The following AKT3 variants were observed in gnomAD, a reference collection of about 807,000 sequenced individuals.
AKT3 encodes AKT serine/threonine kinase 3.
AKT3 carries 15 observed loss-of-function variants against 65.3 expected under a neutral mutation model. The ratio of observed to expected loss-of-function variants is 0.23; its 90% CI spans 0.15 to 0.35. AKT3 has a LOEUF of 0.35. Among genes scored for constraint, AKT3 ranks in the 10% least tolerant of loss-of-function variants. AKT3 has a pLI of 1.00. For synonymous variants in AKT3, 206 were observed against 183.8 expected, an observed-to-expected ratio of 1.12 and a Z score of -0.98; for missense variants, 243 against 576.5, an observed-to-expected ratio of 0.42 and a Z score of 5.92.
At chr1:243,583,825 T>G (rs1014171219) in intron 8 of AKT3, among the ~76,000 whole-genome samples, 14 of 152,054 alleles carry the variant, frequency 9.2e-5, no homozygotes, top group African/African-American at 3.4e-4. Context: ...AAAGCAGTGT[T>G]AAGAGGAAAG....
At chr1:243,491,881 C>T (rs957587815) in intron 13 of AKT3, among the ~76,000 whole-genome samples, 1 of 152,200 alleles carries the variant, frequency 6.6e-6, no homozygotes, top group Non-Finnish European at 1.5e-5. Flanking sequence ...TCCGTTTTCT[C>T]AGCCTGGATG....
At chr1:243,642,635 G>A (rs1281578179) in intron 5 of AKT3, among the ~76,000 whole-genome samples, 1 of 151,912 alleles carries the variant, frequency 6.6e-6, no homozygotes, top group African/African-American at 2.4e-5. Context: ...AAAAATATAG[G>A]AGTATGAATA....
At chr1:243,643,963 C>T (rs1447867782) in intron 5 of AKT3, among the ~76,000 whole-genome samples, 1 of 152,128 alleles carries the variant, frequency 6.6e-6, no homozygotes, top group East Asian at 1.9e-4. Context: ...CCACTTGAGG[C>T]TAAGTCATTA....
intron 9 of AKT3, among the ~76,000 whole-genome samples, chr1:243,567,806 GATA>G (rs929245413): frequency 6.6e-6 from 1 of 152,054 alleles, no homozygotes; most frequent in African/African-American, 2.4e-5. Context: ...TAAATCAGGA[GATA>G]ATAAAATGTA....
At chr1:243,700,032 C>T (rs1685347092) in intron 2 of AKT3, among the ~76,000 whole-genome samples, 1 of 152,036 alleles carries the variant, frequency 6.6e-6, no homozygotes, top group Non-Finnish European at 1.5e-5. Flanking sequence ...TAACTTCTGG[C>T]CTCCAGAATT....
At chr1:243,677,418 TAC>T (rs1482229931) in intron 3 of AKT3, among the ~76,000 whole-genome samples, 2 of 152,194 alleles carry the variant, frequency 1.3e-5, no homozygotes, top group African/African-American at 4.8e-5. Context: ...TCTAAGCACA[TAC>T]AGACTGAATT....
intron 6 of AKT3, among the ~76,000 whole-genome samples, chr1:243,634,961 T>C (rs112420021): frequency 1.3e-5 from 2 of 151,850 alleles, no homozygotes; most frequent in Non-Finnish European, 2.9e-5. Context: ...ATCTAAGACA[T>C]ATACACAAAA....
At chr1:243,642,940 T>C (rs1301233029) in intron 5 of AKT3, among the ~76,000 whole-genome samples, 1 of 152,184 alleles carries the variant, frequency 6.6e-6, no homozygotes, top group Admixed American at 6.5e-5. Context: ...AAATTCCAGA[T>C]ACATTTACAA....
chr1:243,554,857 G>A (rs1673306412), intron 10 of AKT3, among the ~76,000 whole-genome samples: 1 of 151,416 alleles, frequency 6.6e-6, no homozygotes, highest in South Asian at 2.1e-4. Flanking sequence ...TCACCAGCCG[G>A]GTTCTCATCC....
downstream of AKT3, among the ~76,000 whole-genome samples, chr1:243,496,552 G>T (rs898267615): frequency 6.6e-6 from 1 of 152,254 alleles, no homozygotes; most frequent in Non-Finnish European, 1.5e-5. Flanking sequence ...ACAGCAGGGG[G>T]GGAAGGGGTT....
chr1:243,697,482 G>A (rs1344245405), intron 2 of AKT3, among the ~76,000 whole-genome samples: 2 of 152,004 alleles, frequency 1.3e-5, no homozygotes, highest in Non-Finnish European at 2.9e-5. Flanking sequence ...TTTCTAAAAG[G>A]TTAGTTGCAA....
At chr1:243,704,202 A>G (rs978106020) in intron 2 of AKT3, among the ~76,000 whole-genome samples, 2 of 152,236 alleles carry the variant, frequency 1.3e-5, no homozygotes, top group Non-Finnish European at 2.9e-5. Flanking sequence ...CAAAAAAGCC[A>G]CTTTAAACAT....
intron 6 of AKT3, among the ~76,000 whole-genome samples, chr1:243,627,035 G>A (rs781215521): frequency 2.0e-5 from 3 of 152,146 alleles, no homozygotes; most frequent in African/African-American, 4.8e-5. Flanking sequence ...TGACATGTTC[G>A]ACACTGGAGT....
intron 2 of AKT3, among the ~76,000 whole-genome samples, chr1:243,727,886 A>G (rs1687312677): frequency 6.6e-6 from 1 of 152,226 alleles, no homozygotes; most frequent in Non-Finnish European, 1.5e-5. Context: ...TTTGATATTT[A>G]GGCATAGAGG....
intron 3 of AKT3, among the ~76,000 whole-genome samples, chr1:243,678,563 A>G (rs1683693362): frequency 6.6e-6 from 1 of 152,198 alleles, no homozygotes; most frequent in Non-Finnish European, 1.5e-5. Flanking sequence ...TTGATTCACT[A>G]CATTAAGATT....
rs549413838 is a variant in AKT3 at position 243,595,766 on chromosome 1, G to A, written c.696+17905C>T. ...CAGGCATCGAGTAGTCATCTCCTAC[G>A]CTAACAATGCCTTCTTTTGGAATAT... On this transcript the variant is annotated intron_variant, in intron 8 of 13. Coordinates refer to ENST00000673466, the MANE Select transcript of AKT3 (RefSeq NM_005465.7). Among the ~76,000 whole-genome samples, 14 of 152,122 alleles carry A rather than the reference G, an allele frequency of 9.2e-5. No individual in the cohort carries two copies. In the South Asian group the frequency reaches 2.7e-3, roughly 29 times the overall value.
At position 243,562,425 on chromosome 1, in the gene AKT3, A is replaced by G. The variant is rs78745300; in HGVS notation, c.948+1295T>C. Among the ~76,000 whole-genome samples, 743 of 152,328 alleles carry G rather than the reference A, an allele frequency of 4.9e-3. 9 individuals are homozygous for G. Among genetic ancestry groups the G allele is most frequent in the African/African-American group, 0.017 (699 of 41,574 alleles). ...TTGTACAACTCTGTGAACATATTAAAAATCACCAAAGTGTGTATTTTAAAA... is the reference window on the plus strand; with the variant it reads ...TTGTACAACTCTGTGAACATATTAAGAATCACCAAAGTGTGTATTTTAAAA... On this transcript the variant is annotated intron_variant, in intron 10 of 13. Coordinates refer to ENST00000673466, the MANE Select transcript of AKT3 (RefSeq NM_005465.7).
At chr1:243,669,455 A>G (rs538589563) in intron 3 of AKT3, among the ~76,000 whole-genome samples, 3 of 152,320 alleles carry the variant, frequency 2.0e-5, no homozygotes, top group African/African-American at 7.2e-5. Context: ...TCAGGTTCCC[A>G]TTATGGTGAT....
chr1:243,693,278 ATATATATATATATAT>A (rs1463041704), intron 3 of AKT3, among the ~76,000 whole-genome samples: 2 of 114,176 alleles, frequency 1.8e-5, no homozygotes, highest in East Asian at 5.2e-4. Flanking sequence ...ATATATATAT[ATATATATATATATAT>A]AACATTTCCC....
Sources: gnomAD v4.1 joint callset for allele counts (sites outside exome capture counted in the v4.1 genomes callset) on GRCh38, gnomAD v4.1.1 for gene constraint, MANE v1.5 for transcripts, NCBI Gene and HGNC (gene_info 2026-07-23, HGNC 2026-07-21) for gene names.